The following PNPLA5 variants were observed in gnomAD, a reference collection of about 807,000 sequenced individuals.
PNPLA5 encodes the protein patatin-like phospholipase domain-containing protein 5.
In PNPLA5, 44 loss-of-function variants were observed where a neutral mutation model predicts 49.1. The observed-to-expected ratio is 0.90, with a 90% CI of 0.70 to 1.15. The LOEUF (loss-of-function observed/expected upper bound fraction) is 1.15, where lower values mean the gene tolerates loss of function less well. PNPLA5 is among the 50% of genes most tolerant of loss of function. PNPLA5 has a pLI of 0.00. For synonymous variants in PNPLA5, 243 were observed against 244.4 expected, an observed-to-expected ratio of 0.99 and a Z score of 0.06; for missense variants, 603 against 564.0, an observed-to-expected ratio of 1.07 and a Z score of -0.70.
At position 43,886,313 on chromosome 22, in the gene PNPLA5, C is replaced by A; in HGVS notation, c.939G>T (p.Glu313Asp). 6.2e-7 allele frequency: 1 copy of A among 1,612,974 alleles called. No individual in the cohort carries two copies. Among genetic ancestry groups the A allele is most frequent in the South Asian group, 1.1e-5 (1 of 90,818 alleles). ...DVPNFEQLSP[E>D]LEAALKKACT... ...AGGTAGAGTCCCTACCAGCCTCCAG[C>A]TCTGGTGAGAGCTGCTCAAAGTTGG... Residue 313 changes from glutamate to aspartate, a missense_variant, in exon 6 of 9, where the codon GAG becomes GAT. By Grantham distance (45) the Glu-to-Asp change is conservative (BLOSUM62 2). Coordinates refer to ENST00000216177, the MANE Select transcript of PNPLA5 (RefSeq NM_138814.4).
intron 6 of PNPLA5, 121 bp downstream of exon 6, chr22:43,886,182 G>A: frequency 1.8e-6 from 2 of 1,102,672 alleles, no homozygotes; most frequent in Non-Finnish European, 2.5e-6. Context: ...CATTTAGTAG[G>A]TGCTCAGTAA....
At position 43,887,650 on chromosome 22, in the gene PNPLA5, A is replaced by G. The variant is rs779097556; in HGVS notation, c.704T>C (p.Val235Ala). Residue 235 changes from valine (V) to alanine (A), a missense_variant and splice_region_variant, in exon 5 of 9, where the codon GTA (valine) becomes GCA (alanine). By Grantham distance (64) the Val-to-Ala change is moderately conservative (BLOSUM62 0). Transcript: ENST00000216177. ...GCCTTGTCTGCAGTTGTCGGCCACT[A>G]CCTGCCAACACACAGGGCAAGGGTG... ...LICLIPPSLE[V>A]VADNCRQGYL... 1 of 1,600,530 alleles carries G rather than the reference A, an allele frequency of 6.2e-7. No individual in the cohort carries two copies. Among genetic ancestry groups the G allele is most frequent in the South Asian group, 1.1e-5 (1 of 88,774 alleles).
chr22:43,888,228 G>A (rs1343976342), intron 4 of PNPLA5, among the ~76,000 whole-genome samples: 4 of 152,088 alleles, frequency 2.6e-5, no homozygotes, highest in African/African-American at 9.7e-5. Context: ...TCTAGAAAAT[G>A]GGGCTGGGGT....
At chr22:43,881,840 A>C in intron 7 of PNPLA5, 166 bp from the exon 8 acceptor site, 4 of 864,200 alleles carry the variant, frequency 4.6e-6, no homozygotes, top group Non-Finnish European at 5.6e-6. Context: ...AGAGCAGGTC[A>C]GAGCCACAGG....
rs5764382 is a variant in PNPLA5, at chr22:43,888,801, G to T, written c.702+528C>A. Among the ~76,000 whole-genome samples the T allele has an allele frequency of 2.0e-4, 31 of 152,018 alleles. 1 individual carries two copies. The East Asian group carries it at 6.0e-3, about 29-fold the overall frequency. ...CAGAAATACCAAGGGGTAAAAAAAC[G>T]CTTCCTTCATTTTTTTCTTTGCATT... On this transcript the variant is annotated intron_variant, in intron 4 of 8. Transcript: ENST00000216177.
At chr22:43,884,452 C>A in intron 6 of PNPLA5, 107 bp from the exon 7 acceptor site, 1 of 1,387,752 alleles carries the variant, frequency 7.2e-7, no homozygotes, top group Non-Finnish European at 9.4e-7. Context: ...CCACCTTCTG[C>A]AGATGAAGAA....
At chr22:43,884,100 T>TCC in intron 7 of PNPLA5, 113 bp downstream of exon 7, 1 of 867,274 alleles carries the variant, frequency 1.2e-6, no homozygotes, top group Non-Finnish European at 1.7e-6. Flanking sequence ...CCAGCCGGGC[T>TCC]CCCCCCACCC....
At chr22:43,890,727 A>G (rs1603413063) in intron 2 of PNPLA5, among the ~76,000 whole-genome samples, 1 of 152,070 alleles carries the variant, frequency 6.6e-6, no homozygotes, top group African/African-American at 2.4e-5. Context: ...ATAAATGTCA[A>G]CCCACCGCCA....
chr22:43,883,087 AT>A (rs2049626702), intron 7 of PNPLA5, among the ~76,000 whole-genome samples: 1 of 151,946 alleles, frequency 6.6e-6, no homozygotes, highest in Admixed American at 6.6e-5. Context: ...CTGCCTCTGG[AT>A]CTTTGCACAT....
chr22:43,887,447 A>G, intron 5 of PNPLA5, 144 bp downstream of exon 5: 1 of 967,996 alleles, frequency 1.0e-6, no homozygotes, highest in Non-Finnish European at 1.6e-6. Flanking sequence ...AGTCCCCAGT[A>G]CTCAGCTCAG....
In PNPLA5 at chr22:43,880,890, G is replaced by T; in HGVS notation, c.1200-5C>A. On this transcript the variant is annotated splice_region_variant and splice_polypyrimidine_tract_variant and intron_variant, in intron 8 of 8. Coordinates refer to ENST00000216177, the MANE Select transcript of PNPLA5 (RefSeq NM_138814.4). ...AGGACGCGAGTGGCCGGAGGGCTGTGGAGGGAGGAGAAGCCACGGGTAAAT... is the reference window on the plus strand; with the variant it reads ...AGGACGCGAGTGGCCGGAGGGCTGTTGAGGGAGGAGAAGCCACGGGTAAAT... 1 of 1,324,094 alleles carries T rather than the reference G, an allele frequency of 7.6e-7. No homozygotes were observed. Among genetic ancestry groups the T allele is most frequent in the Non-Finnish European group, 9.7e-7 (1 of 1,028,732 alleles). The allele number at this position is 1,324,094 out of a possible 1,614,324, so 82.0% of individuals were successfully genotyped here.
At chr22:43,887,831 A>AG in intron 4 of PNPLA5, 180 bp from the exon 5 acceptor site, 7 of 918,676 alleles carry the variant, frequency 7.6e-6, no homozygotes, top group Non-Finnish European at 9.1e-6. Context: ...ACTGGGCAGG[A>AG]GGGGCCAGAG....
At chr22:43,884,375 C>G (rs1484262244) in intron 6 of PNPLA5, 30 bp from the exon 7 acceptor site, 1 of 1,515,470 alleles carries the variant, frequency 6.6e-7, no homozygotes, top group Non-Finnish European at 8.9e-7. Flanking sequence ...ATGGCCCTGC[C>G]CACCTGAAGT....
chr22:43,891,169 C>CG lies in PNPLA5; in HGVS notation c.318dup (p.Asp107ArgfsTer19), dbSNP rs747771692. The CG allele has an allele frequency of 3.1e-6, 5 of 1,598,612 alleles. No individual in the cohort carries two copies. Among genetic ancestry groups the CG allele is most frequent in the South Asian group, 1.1e-5 (1 of 89,886 alleles). Reference sequence around the variant, plus strand: ...CGCTGGGAGGCCAGGACGTGGGCGTCGGGGGGCAGAGCATCCTGCAGCTGC... The same window carrying CG: ...CGCTGGGAGGCCAGGACGTGGGCGTCGGGGGGGCAGAGCATCCTGCAGCTGC... On this transcript the variant is annotated frameshift_variant, in exon 2 of 9. Coordinates refer to ENST00000216177, the MANE Select transcript of PNPLA5 (RefSeq NM_138814.4). LOFTEE classifies it high-confidence loss of function.
At chr22:43,889,283 C>T in intron 4 of PNPLA5, 46 bp downstream of exon 4, 7 of 1,603,758 alleles carry the variant, frequency 4.4e-6, no homozygotes, top group Non-Finnish European at 6.0e-6. Flanking sequence ...TCACGGGGCC[C>T]TTGACCTTGG....
At position 43,889,847 on chromosome 22, in the gene PNPLA5, T is replaced by C. The variant is rs2049705618; in HGVS notation, c.444A>G (p.Leu148=). The C allele has an allele frequency of 3.1e-6, 5 of 1,613,510 alleles. No homozygotes were observed. The highest frequency in any genetic ancestry group is 1.3e-5 in the African/African-American group (1 of 74,914). The change falls in exon 3 of 9, where the codon TTA becomes TTG. Residue 148 remains leucine, a synonymous_variant. Transcript: ENST00000216177. Reference sequence around the variant, plus strand: ...TCAGCCCGCAGTAGAAAGGAAAGTATAAGGTGCAGACCAAGGCCTAGGAAG... The same window carrying C: ...TCAGCCCGCAGTAGAAAGGAAAGTACAAGGTGCAGACCAAGGCCTAGGAAG... ...DELIQALVCT[L]YFPFYCGLIP... is the part of the protein sequence containing the mutation.
intron 7 of PNPLA5, chr22:43,881,876 A>G (rs778859765): frequency 1.2e-4 from 72 of 585,560 alleles, no homozygotes; most frequent in South Asian, 1.5e-4. Context: ...GGAAAGATCC[A>G]AAATGGACTT....
At chr22:43,891,330 C>T in intron 1 of PNPLA5, 36 bp from the exon 2 acceptor site, 1 of 1,526,528 alleles carries the variant, frequency 6.6e-7, no homozygotes, top group South Asian at 1.3e-5. Context: ...ACCTCAGCGC[C>T]CAGGGATCCT....
chr22:43,890,220 G>C (rs1430798721), intron 2 of PNPLA5, among the ~76,000 whole-genome samples: 1 of 152,204 alleles, frequency 6.6e-6, no homozygotes, highest in Non-Finnish European at 1.5e-5. Context: ...TAGCTGCCGT[G>C]ACTGTTATCA....
Sources: gnomAD v4.1 joint callset for allele counts (sites outside exome capture counted in the v4.1 genomes callset) on GRCh38, gnomAD v4.1.1 for gene constraint, MANE v1.5 for transcripts, NCBI Gene and HGNC (gene_info 2026-07-23, HGNC 2026-07-21) for gene names.